COL28A1: variants seen among roughly 807,000 people sequenced by gnomAD.
COL28A1 encodes collagen type XXVIII alpha 1 chain, also known as collagen alpha-1(XXVIII) chain.
In COL28A1, 161 loss-of-function variants were observed where a neutral mutation model predicts 150.2. The ratio of observed to expected loss-of-function variants is 1.07; its 90% CI spans 0.94 to 1.22. The LOEUF is 1.22. COL28A1 is among the 50% of genes most tolerant of loss of function. The probability of loss-of-function intolerance (pLI) is 0.00; values close to 1 mark genes in which losing one functional copy is unlikely to be tolerated. For missense variants in COL28A1, 1,617 were observed against 1,388.3 expected (o/e 1.16, Z -2.62); for synonymous variants, 552 against 469.7 (o/e 1.18, Z -2.26).
At chr7:7,377,820 A>AC (rs1781644529) in intron 30 of COL28A1, among the ~76,000 whole-genome samples, 1 of 151,712 alleles carries the variant, frequency 6.6e-6, no homozygotes, top group Admixed American at 6.6e-5. Flanking sequence ...AAAAAAAAAA[A>AC]AAACCAGACA....
chr7:7,402,781 G>T (rs757183141), intron 27 of COL28A1, among the ~76,000 whole-genome samples: 4 of 152,190 alleles, frequency 2.6e-5, no homozygotes, highest in Non-Finnish European at 4.4e-5. Context: ...ATCTCCATGC[G>T]TAGGGGCTTT....
intron 13 of COL28A1, among the ~76,000 whole-genome samples, chr7:7,487,740 G>A (rs968360472): frequency 3.9e-5 from 6 of 152,168 alleles, no homozygotes; most frequent in South Asian, 2.1e-4. Flanking sequence ...CTTCATAAGC[G>A]GGCAAAATCT....
upstream of COL28A1, among the ~76,000 whole-genome samples, chr7:7,539,491 C>T (rs189465519): frequency 1.9e-3 from 293 of 152,280 alleles, 3 homozygotes; most frequent in African/African-American, 6.7e-3. Context: ...TCAGGCCCCA[C>T]TTCCAACAGT....
rs538109555 is a variant in COL28A1, at chr7:7,358,643, A to G, written c.3368T>C (p.Ile1123Thr). The change falls in exon 35 of 35, where the codon ATT becomes ACT. Residue 1123 changes from isoleucine (I) to threonine (T), a missense_variant. Transcript: ENST00000399429. ...GGCCAATTTACTTGCTCATCCTTGA[A>G]TGCAGGTTTCTTGACATTCCTTTTC... ...NSEKECQETC[I>T]QG is the part of the protein sequence containing the mutation. The G allele has an allele frequency of 1.7e-5, 28 of 1,613,910 alleles. No homozygotes were observed. In the South Asian group the frequency reaches 2.9e-4, roughly 16 times the overall value.
chr7:7,360,300 C>A (rs1469103102), intron 34 of COL28A1, 90 bp downstream of exon 34: 10 of 1,257,490 alleles, frequency 8.0e-6, no homozygotes, highest in African/African-American at 1.6e-5. Context: ...GATACAGTAG[C>A]AGATTGGCAG....
At chr7:7,517,202 A>G (rs1781462668) in intron 7 of COL28A1, among the ~76,000 whole-genome samples, 1 of 152,086 alleles carries the variant, frequency 6.6e-6, no homozygotes, top group Admixed American at 6.5e-5. Context: ...GTCTGAGTCC[A>G]GGGCACATCC....
At chr7:7,342,411 T>C in the COL28A1 span, among the ~76,000 whole-genome samples, 1 of 152,102 alleles carries the variant, frequency 6.6e-6, no homozygotes, top group African/African-American at 2.4e-5. Context: ...TTGCAATGCT[T>C]GGTCTGAATA....
intron 11 of COL28A1, among the ~76,000 whole-genome samples, chr7:7,493,653 T>C (rs1780044780): frequency 6.6e-6 from 1 of 152,132 alleles, no homozygotes; most frequent in Admixed American, 6.5e-5. Flanking sequence ...AGCTCATGTT[T>C]ATTCCCTTCC....
chr7:7,415,893 C>A (rs1358325371), intron 27 of COL28A1, among the ~76,000 whole-genome samples: 1 of 152,042 alleles, frequency 6.6e-6, no homozygotes, highest in African/African-American at 2.4e-5. Context: ...GCCTCTGCCT[C>A]CTGGGTTCAA....
intron 8 of COL28A1, among the ~76,000 whole-genome samples, chr7:7,514,659 A>G (rs1009485056): frequency 6.6e-6 from 1 of 152,202 alleles, no homozygotes; most frequent in Non-Finnish European, 1.5e-5. Flanking sequence ...TCCTTCCTTA[A>G]CAAATATGTC....
chr7:7,426,634 C>T (rs1784655843), intron 25 of COL28A1, among the ~76,000 whole-genome samples: 1 of 152,176 alleles, frequency 6.6e-6, no homozygotes, highest in South Asian at 2.1e-4. Flanking sequence ...AGTATTTTCT[C>T]ACCTTTAAAT....
At chr7:7,419,733 C>G in intron 26 of COL28A1, 152 bp downstream of exon 26, 1 of 438,096 alleles carries the variant, frequency 2.3e-6, no homozygotes, top group Non-Finnish European at 4.1e-6. Context: ...TTTTACTGAA[C>G]GTTCACCTGA....
intron 16 of COL28A1, 30 bp from the exon 17 acceptor site, chr7:7,453,538 T>G (rs1471527809): frequency 1.1e-6 from 1 of 881,932 alleles, no homozygotes; most frequent in African/African-American, 1.7e-5. Flanking sequence ...AAAATAGTGT[T>G]AGTGAAATGA....
At chr7:7,511,418 C>G (rs1781128780) in intron 8 of COL28A1, among the ~76,000 whole-genome samples, 1 of 152,162 alleles carries the variant, frequency 6.6e-6, no homozygotes, top group Admixed American at 6.5e-5. Context: ...AGGAACCTAG[C>G]ATCTAATCAC....
chr7:7,424,818 C>T lies in COL28A1; in HGVS notation c.1999-4865G>A, dbSNP rs1050805268. 8.5e-5 allele frequency among the ~76,000 whole-genome samples: 13 copies of T among 152,142 alleles called. No homozygotes were observed. In the South Asian group the frequency reaches 1.0e-3, roughly 12 times the overall value. ...ATACTACTTTCATTTTCACAGGAAA[C>T]GGCCAAATTCAGGACTGTCTGCAGT... On this transcript the variant is annotated intron_variant, in intron 25 of 34. Coordinates refer to ENST00000399429, the MANE Select transcript of COL28A1 (RefSeq NM_001037763.3).
At chr7:7,425,583 T>C (rs919472370) in intron 25 of COL28A1, among the ~76,000 whole-genome samples, 1 of 152,228 alleles carries the variant, frequency 6.6e-6, no homozygotes, top group Non-Finnish European at 1.5e-5. Flanking sequence ...ATTCCAGATC[T>C]CCTACCTATA....
At chr7:7,415,550 T>C (rs1452165897) in intron 27 of COL28A1, among the ~76,000 whole-genome samples, 1 of 152,156 alleles carries the variant, frequency 6.6e-6, no homozygotes, top group Non-Finnish European at 1.5e-5. Context: ...TGTTTGTTTT[T>C]TGAGACAGAG....
intron 27 of COL28A1, among the ~76,000 whole-genome samples, chr7:7,413,331 T>C (rs1159532016): frequency 6.6e-6 from 1 of 152,194 alleles, no homozygotes. Flanking sequence ...GAGGCACCAA[T>C]ATACTTCAGA....
chr7:7,463,976 TGCAAA>T (rs1787847268), intron 15 of COL28A1, among the ~76,000 whole-genome samples: 1 of 152,158 alleles, frequency 6.6e-6, no homozygotes, highest in African/African-American at 2.4e-5. Flanking sequence ...TGACATTTCA[TGCAAA>T]TGGACACCAA....
Sources: gnomAD v4.1 joint callset for allele counts (sites outside exome capture counted in the v4.1 genomes callset) on GRCh38, gnomAD v4.1.1 for gene constraint, MANE v1.5 for transcripts, NCBI Gene and HGNC (gene_info 2026-07-23, HGNC 2026-07-21) for gene names.